The following KCNMB2 variants were observed in gnomAD, a reference collection of about 807,000 sequenced individuals.
The protein encoded by KCNMB2 is potassium calcium-activated channel subfamily M regulatory beta subunit 2.
In KCNMB2, 9 loss-of-function variants were observed where a neutral mutation model predicts 24.5. That is an observed-to-expected ratio of 0.37 (90% CI 0.22 to 0.64). The LOEUF (loss-of-function observed/expected upper bound fraction) is 0.64, where lower values mean the gene tolerates loss of function less well. Among genes scored for constraint, KCNMB2 ranks in the 30% least tolerant of loss-of-function variants. KCNMB2 has a pLI of 0.63. For missense variants in KCNMB2, 226 were observed against 284.3 expected (o/e 0.79, Z 1.47); for synonymous variants, 109 against 104.4 (o/e 1.04, Z -0.27).
At chr3:178,723,695 G>A (rs1722879304) in intron 1 of KCNMB2, among the ~76,000 whole-genome samples, 1 of 152,092 alleles carries the variant, frequency 6.6e-6, no homozygotes, top group South Asian at 2.1e-4. Context: ...TTGTGTCCAT[G>A]TATACCCAAT....
At chr3:178,814,558 C>T (rs543305369) in intron 2 of KCNMB2, among the ~76,000 whole-genome samples, 63 of 152,296 alleles carry the variant, frequency 4.1e-4, no homozygotes, top group Non-Finnish European at 7.8e-4. Flanking sequence ...AATCTCCACA[C>T]TGCTTTTCAT....
chr3:178,732,021 G>A lies in KCNMB2; in HGVS notation c.-67-75322G>A, dbSNP rs142055632. Among the ~76,000 whole-genome samples, 59 of 152,254 alleles carry A rather than the reference G, an allele frequency of 3.9e-4. No homozygotes were observed. The East Asian group carries it at 5.6e-3, about 14-fold the overall frequency. On this transcript the variant is annotated intron_variant, in intron 1 of 4. Coordinates refer to ENST00000452583, the MANE Select transcript of KCNMB2 (RefSeq NM_181361.3). Reference sequence around the variant, plus strand: ...AAGAACCACCAGCAAAATCCAGACCGTGGGAAACAATCTATTTCTGCAACC... The same window carrying A: ...AAGAACCACCAGCAAAATCCAGACCATGGGAAACAATCTATTTCTGCAACC...
chr3:178,803,376 G>C (rs1246834632), intron 1 of KCNMB2, among the ~76,000 whole-genome samples: 2 of 152,208 alleles, frequency 1.3e-5, no homozygotes, highest in Non-Finnish European at 2.9e-5. Flanking sequence ...TTGAAAGAAG[G>C]AAAGAGAAGA....
At chr3:178,795,759 C>T (rs75788006) in intron 1 of KCNMB2, among the ~76,000 whole-genome samples, 62 of 152,070 alleles carry the variant, frequency 4.1e-4, no homozygotes, top group African/African-American at 1.5e-3. Flanking sequence ...TTGTAAGTTG[C>T]AATAGAAAAC....
In KCNMB2 at chr3:178,538,315, A is replaced by G. The variant is rs16829701; in HGVS notation, c.-68+1604A>G. ...AGCTATGACATCGTTTTCTGCTTCTATGTTACCAGTGAAATGTGTGCCCTT... is the reference window on the plus strand; with the variant it reads ...AGCTATGACATCGTTTTCTGCTTCTGTGTTACCAGTGAAATGTGTGCCCTT... On this transcript the variant is annotated intron_variant, in intron 1 of 4. Coordinates refer to ENST00000452583, the MANE Select transcript of KCNMB2 (RefSeq NM_181361.3). 1.5e-3 allele frequency among the ~76,000 whole-genome samples: 225 copies of G among 152,282 alleles called. 1 individual carries two copies. The highest frequency in any genetic ancestry group is 5.2e-3 in the African/African-American group (217 of 41,550).
intron 1 of KCNMB2, among the ~76,000 whole-genome samples, chr3:178,642,736 A>G (rs1719771397): frequency 1.3e-5 from 2 of 152,238 alleles, no homozygotes; most frequent in South Asian, 4.1e-4. Flanking sequence ...GTTTTCAACT[A>G]TATCACCAAT....
At chr3:178,806,599 AATT>A (rs1385920668) in intron 1 of KCNMB2, among the ~76,000 whole-genome samples, 3 of 151,906 alleles carry the variant, frequency 2.0e-5, no homozygotes, top group African/African-American at 7.2e-5. Context: ...CTCTCAAGAA[AATT>A]ATTATTATGT....
chr3:178,717,086 C>T (rs1447451430), intron 1 of KCNMB2, among the ~76,000 whole-genome samples: 3 of 150,650 alleles, frequency 2.0e-5, no homozygotes, highest in Admixed American at 6.6e-5. Flanking sequence ...ATTCAAGTTC[C>T]AACATGTCTA....
Position 178,843,125 on chromosome 3 carries a change from A to G in KCNMB2, c.*188A>G, listed in dbSNP as rs1337171902. The G allele has an allele frequency of 1.8e-5, 12 of 672,906 alleles. No individual in the cohort carries two copies. The highest frequency in any genetic ancestry group is 1.7e-4 in the Admixed American group (8 of 47,550). 41.7% of individuals were successfully genotyped at this position (672,906 alleles called of 1,614,324 possible). A position where few individuals can be genotyped will look rare whatever the true frequency, so the allele number is the denominator to read the frequency against. On this transcript the variant is annotated 3_prime_UTR_variant, in exon 5 of 5. Coordinates refer to ENST00000452583, the MANE Select transcript of KCNMB2 (RefSeq NM_181361.3). Reference sequence around the variant, plus strand: ...ATGTCTTTATTATTCAGGAGAATAAATAACTGTTTTGTGTTGGTTGGTGGT... The same window carrying G: ...ATGTCTTTATTATTCAGGAGAATAAGTAACTGTTTTGTGTTGGTTGGTGGT...
At chr3:178,803,610 A>G (rs947385577) in intron 1 of KCNMB2, among the ~76,000 whole-genome samples, 4 of 152,218 alleles carry the variant, frequency 2.6e-5, no homozygotes, top group Non-Finnish European at 5.9e-5. Flanking sequence ...GTCCTGCCCT[A>G]CAGATGCTTA....
chr3:178,602,629 G>T (rs1481675954), intron 1 of KCNMB2, among the ~76,000 whole-genome samples: 1 of 152,084 alleles, frequency 6.6e-6, no homozygotes, highest in Non-Finnish European at 1.5e-5. Flanking sequence ...AGCCAGCCAG[G>T]TGGAAAGGAA....
chr3:178,539,241 CA>C (rs1715533975), intron 1 of KCNMB2, among the ~76,000 whole-genome samples: 1 of 151,922 alleles, frequency 6.6e-6, no homozygotes, highest in South Asian at 2.1e-4. Context: ...ATAAAGCTTC[CA>C]AAAATATTTC....
At chr3:178,599,554 A>G (rs976560512) in intron 1 of KCNMB2, among the ~76,000 whole-genome samples, 1 of 152,196 alleles carries the variant, frequency 6.6e-6, no homozygotes, top group African/African-American at 2.4e-5. Flanking sequence ...ACTCATCCTT[A>G]CACATGACTT....
At chr3:178,628,784 T>A (rs1018867258) in intron 1 of KCNMB2, among the ~76,000 whole-genome samples, 1 of 152,174 alleles carries the variant, frequency 6.6e-6, no homozygotes, top group African/African-American at 2.4e-5. Context: ...GATGTTCAAA[T>A]GCCTAAGTCT....
intron 1 of KCNMB2, among the ~76,000 whole-genome samples, chr3:178,614,067 C>T (rs1309903026): frequency 6.7e-6 from 1 of 149,776 alleles, no homozygotes; most frequent in Non-Finnish European, 1.5e-5. Flanking sequence ...CTTTCTTCTG[C>T]TTGATCTGTC....
At chr3:178,600,101 C>A (rs1243835602) in intron 1 of KCNMB2, among the ~76,000 whole-genome samples, 6 of 152,254 alleles carry the variant, frequency 3.9e-5, no homozygotes, top group Non-Finnish European at 8.8e-5. Context: ...TGGTCTTGAA[C>A]TCCTGACCTC....
intron 1 of KCNMB2, among the ~76,000 whole-genome samples, chr3:178,769,414 G>A (rs1385417201): frequency 1.3e-5 from 2 of 152,170 alleles, no homozygotes; most frequent in Non-Finnish European, 2.9e-5. Context: ...AGAGGGGGGT[G>A]TGATCCAGCT....
At chr3:178,757,220 G>A (rs144345952) in intron 1 of KCNMB2, 5 of 145,256 alleles carry the variant, frequency 3.4e-5, no homozygotes, top group Non-Finnish European at 4.5e-5. Flanking sequence ...AAAATTACCA[G>A]TGAAAATTGT....
chr3:178,625,406 G>A (rs371084960), intron 1 of KCNMB2, among the ~76,000 whole-genome samples: 17 of 152,292 alleles, frequency 1.1e-4, no homozygotes, highest in Admixed American at 1.1e-3. Context: ...CTGGAGCTCC[G>A]GCCCGCCCCT....
Sources: allele counts gnomAD v4.1 joint callset (sites outside exome capture counted in the v4.1 genomes callset), GRCh38; gene constraint gnomAD v4.1.1; transcripts MANE v1.5; gene names NCBI Gene and HGNC (gene_info 2026-07-23, HGNC 2026-07-21).